Variants in TMEM67 observed in about 807,000 individuals in gnomAD.
TMEM67 encodes meckelin.
A neutral mutation model predicts 136.6 loss-of-function variants in TMEM67; 124 were observed. That is an observed-to-expected ratio of 0.91 (90% CI 0.78 to 1.05). The LOEUF (loss-of-function observed/expected upper bound fraction) is 1.05, where lower values mean the gene tolerates loss of function less well. Among genes scored for constraint, TMEM67 ranks in the 50% least tolerant of loss-of-function variants. The pLI, the probability that TMEM67 is intolerant of heterozygous loss-of-function variation, is 0.00. For missense variants in TMEM67, 1,107 were observed against 1,178.4 expected, an observed-to-expected ratio of 0.94 and a Z score of 0.89; for synonymous variants, 364 against 390.5, an observed-to-expected ratio of 0.93 and a Z score of 0.80.
intron 7 of TMEM67, among the ~76,000 whole-genome samples, chr8:93,775,169 C>T (rs1210676246): frequency 6.6e-6 from 1 of 152,174 alleles, no homozygotes; most frequent in Non-Finnish European, 1.5e-5. Flanking sequence ...TGAGAAGTGT[C>T]TGTTCATATC....
intron 14 of TMEM67, among the ~76,000 whole-genome samples, chr8:93,790,494 C>T (rs1814327786): frequency 6.6e-6 from 1 of 152,152 alleles, no homozygotes; most frequent in African/African-American, 2.4e-5. Context: ...CTGAGATTGC[C>T]TTATCTTAAA....
intron 3 of TMEM67, among the ~76,000 whole-genome samples, chr8:93,761,043 G>A (rs909827392): frequency 6.6e-6 from 1 of 152,136 alleles, no homozygotes; most frequent in African/African-American, 2.4e-5. Context: ...GGGCACAGTG[G>A]CTCACGCTTG....
intron 7 of TMEM67, among the ~76,000 whole-genome samples, chr8:93,777,726 T>C (rs959988009): frequency 2.6e-5 from 4 of 152,218 alleles, no homozygotes; most frequent in African/African-American, 9.6e-5. Context: ...GACAGTTTGT[T>C]GTCATTTCTG....
chr8:93,824,386 C>T, the TMEM67 span, among the ~76,000 whole-genome samples: 1 of 152,188 alleles, frequency 6.6e-6, no homozygotes, highest in Non-Finnish European at 1.5e-5. Context: ...CTGTAAATTA[C>T]TAGAACATTT....
chr8:93,829,542 GC>G, the TMEM67 span, among the ~76,000 whole-genome samples: 1 of 152,172 alleles, frequency 6.6e-6, no homozygotes, highest in Non-Finnish European at 1.5e-5. Context: ...GCAGCCAGGG[GC>G]CTCTTCTCCC....
At position 93,755,094 on chromosome 8, in the gene TMEM67, C is replaced by T. The variant is rs780111733; in HGVS notation, c.180C>T (p.Leu60=). 6.2e-7 allele frequency: 1 copy of T among 1,614,230 alleles called. No individual in the cohort carries two copies. The highest frequency in any genetic ancestry group is 8.5e-7 in the Non-Finnish European group (1 of 1,180,042). The change falls in exon 1 of 28, where the codon CTC becomes CTT. Residue 60 remains leucine (L), a synonymous_variant. Coordinates refer to ENST00000453321, the MANE Select transcript of TMEM67 (RefSeq NM_153704.6). ...ACCAGTACTTTGATATCTCCGCCCTCTCGTGTGTTCCTTGTGGAGCTAACC... is the reference window on the plus strand; with the variant it reads ...ACCAGTACTTTGATATCTCCGCCCTTTCGTGTGTTCCTTGTGGAGCTAACC... ...DNNQYFDISA[L]SCVPCGANQR...
intron 2 of TMEM67, among the ~76,000 whole-genome samples, chr8:93,757,688 T>C (rs1438583721): frequency 1.3e-5 from 2 of 151,810 alleles, no homozygotes; most frequent in Non-Finnish European, 1.5e-5. Context: ...GAAGAAAATA[T>C]TCTCATAAAT....
chr8:93,809,971 C>CTTTTT, intron 26 of TMEM67, 84 bp downstream of exon 26: 1 of 588,702 alleles, frequency 1.7e-6, no homozygotes, highest in Non-Finnish European at 2.9e-6. Flanking sequence ...TTCTTTTTTT[C>CTTTTT]TTTTTTTTTT....
At chr8:93,824,146 T>G (rs1222338373), downstream of TMEM67, among the ~76,000 whole-genome samples, 1 of 152,236 alleles carries the variant, frequency 6.6e-6, no homozygotes, top group Non-Finnish European at 1.5e-5. Flanking sequence ...AAAAAAGATT[T>G]TAAAATGAAT....
At chr8:93,806,742 G>A (rs1327894794) in intron 23 of TMEM67, among the ~76,000 whole-genome samples, 1 of 151,984 alleles carries the variant, frequency 6.6e-6, no homozygotes. Context: ...ATTACCTTGT[G>A]ATTAAAAAGT....
chr8:93,771,147 G>A (rs1813313885), intron 6 of TMEM67, among the ~76,000 whole-genome samples: 1 of 151,856 alleles, frequency 6.6e-6, no homozygotes, highest in Non-Finnish European at 1.5e-5. Context: ...AATCTTGCCT[G>A]TATCAGTTAC....
intron 26 of TMEM67, chr8:93,811,156 T>A (rs1808683335): frequency 6.6e-6 from 1 of 152,260 alleles, no homozygotes; most frequent in South Asian, 2.1e-4. Context: ...AGGGTGGTAC[T>A]GCCACAGAAG....
chr8:93,799,737 G>A lies in TMEM67; in HGVS notation c.2220G>A (p.Trp740Ter), dbSNP rs1222816189. ...GATATGCAGTGTCTGCTGCTCTTTG[G>A]CTAGCCATTGGAATTATACAGGTAA... ...ILRYAVSAALWLAIGIIQVVF... is the reference protein window; with the variant it reads ...ILRYAVSAAL The change falls in exon 21 of 28, where the codon TGG (tryptophan) becomes TGA (stop). Residue 740 changes from tryptophan (W) to a stop codon, truncating the protein, a stop_gained. Coordinates refer to ENST00000453321, the MANE Select transcript of TMEM67 (RefSeq NM_153704.6). LOFTEE classifies it high-confidence loss of function. 1 of 1,613,618 alleles carries A rather than the reference G, an allele frequency of 6.2e-7. No homozygotes were observed. Among genetic ancestry groups the A allele is most frequent in the Non-Finnish European group, 8.5e-7 (1 of 1,179,844 alleles).
intron 6 of TMEM67, among the ~76,000 whole-genome samples, chr8:93,767,756 A>G (rs1388476683): frequency 7.1e-6 from 1 of 141,160 alleles, no homozygotes; most frequent in Non-Finnish European, 1.5e-5. Context: ...TGTCCCCATC[A>G]TTCTTTGAAC....
chr8:93,800,036 T>C (rs558050881), intron 21 of TMEM67, among the ~76,000 whole-genome samples: 74 of 151,502 alleles, frequency 4.9e-4, no homozygotes, highest in Non-Finnish European at 8.5e-4. Flanking sequence ...ACCTCCTGAG[T>C]AGCTGGGTCT....
chr8:93,823,878 C>A (rs1409182006), downstream of TMEM67, among the ~76,000 whole-genome samples: 1 of 150,872 alleles, frequency 6.6e-6, no homozygotes, highest in Non-Finnish European at 1.5e-5. Context: ...TTTCAATCCA[C>A]TGAACAGTTC....
chr8:93,826,869 G>A, the TMEM67 span, among the ~76,000 whole-genome samples: 54 of 151,906 alleles, frequency 3.6e-4, no homozygotes, highest in East Asian at 3.9e-3. Flanking sequence ...CGCTTTTGTC[G>A]CCCAAGCTGG....
At chr8:93,775,236 G>T (rs1421581957) in intron 7 of TMEM67, among the ~76,000 whole-genome samples, 1 of 152,006 alleles carries the variant, frequency 6.6e-6, no homozygotes, top group Non-Finnish European at 1.5e-5. Flanking sequence ...TAAGTTCTTT[G>T]TAGATTCTGG....
intron 14 of TMEM67, among the ~76,000 whole-genome samples, chr8:93,789,946 C>T (rs1814300992): frequency 1.3e-5 from 2 of 151,620 alleles, no homozygotes; most frequent in Non-Finnish European, 2.9e-5. Context: ...GGCATGGTGG[C>T]AGGTACCTGT....
Sources: gnomAD v4.1 joint callset for allele counts (sites outside exome capture counted in the v4.1 genomes callset) on GRCh38, gnomAD v4.1.1 for gene constraint, MANE v1.5 for transcripts, NCBI Gene and HGNC (gene_info 2026-07-23, HGNC 2026-07-21) for gene names.